The following ZBTB46 variants were observed in gnomAD, a reference collection of about 807,000 sequenced individuals.
ZBTB46 encodes the protein zinc finger and BTB domain-containing protein 46.
Under a neutral mutation model 44.1 loss-of-function variants are expected in ZBTB46, and 8 were observed. That is an observed-to-expected ratio of 0.18 (90% confidence interval 0.11 to 0.33). The LOEUF is 0.33. Ranked by LOEUF, ZBTB46 falls within the 10% of genes least tolerant of loss-of-function variation. ZBTB46 has a pLI of 1.00. For synonymous variants in ZBTB46, 409 were observed against 382.3 expected (o/e 1.07, Z -0.81); for missense variants, 651 against 847.7 (o/e 0.77, Z 2.88).
intron 1 of ZBTB46, among the ~76,000 whole-genome samples, chr20:63,799,847 G>A (rs1416478804): frequency 6.6e-6 from 1 of 152,160 alleles, no homozygotes; most frequent in Non-Finnish European, 1.5e-5. Flanking sequence ...AGCACCTGGA[G>A]CCTGCTCAGC....
At chr20:63,770,482 A>G (rs1202665820) in intron 3 of ZBTB46, among the ~76,000 whole-genome samples, 2 of 152,182 alleles carry the variant, frequency 1.3e-5, no homozygotes, top group Non-Finnish European at 2.9e-5. Context: ...TGAAACTGCC[A>G]TCTGTTTAAT....
intron 3 of ZBTB46, among the ~76,000 whole-genome samples, chr20:63,771,318 C>T (rs1464798127): frequency 1.3e-5 from 2 of 152,146 alleles, no homozygotes; most frequent in African/African-American, 4.8e-5. Flanking sequence ...CCCCACTCTC[C>T]GGCCCCCACA....
At chr20:63,747,346 GGGC>G (rs1275798051) in intron 4 of ZBTB46, 45 bp from the exon 5 acceptor site, 6 of 1,269,974 alleles carry the variant, frequency 4.7e-6, no homozygotes, top group Non-Finnish European at 3.0e-6. Context: ...GTGGGTTGGG[GGGC>G]GGGGCAGGGG....
intron 3 of ZBTB46, among the ~76,000 whole-genome samples, chr20:63,756,857 G>A (rs1456684448): frequency 6.6e-6 from 1 of 152,218 alleles, no homozygotes; most frequent in African/African-American, 2.4e-5. Flanking sequence ...GTGGTGCGTG[G>A]TACTCCATGA....
At chr20:63,783,048 T>C (rs979941604) in intron 2 of ZBTB46, among the ~76,000 whole-genome samples, 3 of 152,002 alleles carry the variant, frequency 2.0e-5, no homozygotes, top group Non-Finnish European at 4.4e-5. Context: ...GAGGATCACC[T>C]GAGCCCAGGA....
rs979267820 is a variant in ZBTB46 at position 63,767,973 on chromosome 20, A to C, written c.1222+7705T>G. The C allele has an allele frequency of 4.1e-6, 4 of 985,332 alleles. No homozygotes were observed. The African/African-American group carries it at 7.0e-5, about 17-fold the overall frequency. 61.0% of individuals were successfully genotyped at this position (985,332 alleles called of 1,614,324 possible). A position where few individuals can be genotyped will look rare whatever the true frequency, so the allele number is the denominator to read the frequency against. On this transcript the variant is annotated intron_variant, in intron 3 of 4. Coordinates refer to ENST00000245663, the MANE Select transcript of ZBTB46 (RefSeq NM_001369741.1). This position sits in a 1 kb window ranked among gnomAD's most constrained non-coding sequence, Gnocchi z 5.0. Reference sequence around the variant, plus strand: ...TCCGCCCAGCTCTCCACGCCATGAGAGGTGTCGATCTGGAACCAGAGACAG... The same window carrying C: ...TCCGCCCAGCTCTCCACGCCATGAGCGGTGTCGATCTGGAACCAGAGACAG...
At position 63,789,924 on chromosome 20, in the gene ZBTB46, G is replaced by A. The variant is rs753357294; in HGVS notation, c.834C>T (p.Thr278=). Residue 278 remains threonine (T), a synonymous_variant, in exon 2 of 5, where the codon ACC becomes ACT. Transcript: ENST00000245663. ...GRRKNRKNKE[T]VRHITQQVED... ...CCACCTGCTGTGTGATGTGCCGGAC[G>A]GTCTCTTTGTTTTTCCGATTCTTCC... is the stretch of plus-strand genomic sequence containing the variant. 14 of 1,614,086 alleles carry A rather than the reference G, an allele frequency of 8.7e-6. No homozygotes were observed. Among genetic ancestry groups the A allele is most frequent in the Middle Eastern group, 1.6e-4 (1 of 6,062 alleles).
intron 3 of ZBTB46, chr20:63,769,358 A>G (rs2092347647): frequency 5.1e-6 from 5 of 985,376 alleles, no homozygotes; most frequent in Non-Finnish European, 6.0e-6. Flanking sequence ...TTCTGCCATC[A>G]GCGACCCTCA....
chr20:63,811,396 A>G (rs1193295181), intron 1 of ZBTB46, among the ~76,000 whole-genome samples: 1 of 152,218 alleles, frequency 6.6e-6, no homozygotes, highest in Non-Finnish European at 1.5e-5. Context: ...AGAAGACACT[A>G]CAGCCCCAGG....
intron 3 of ZBTB46, among the ~76,000 whole-genome samples, chr20:63,774,298 C>T (rs1355532199): frequency 6.6e-6 from 1 of 152,148 alleles, no homozygotes; most frequent in Non-Finnish European, 1.5e-5. Context: ...CTCACACCAA[C>T]GCGAAAATTC....
At chr20:63,773,526 G>T (rs2092394104) in intron 3 of ZBTB46, among the ~76,000 whole-genome samples, 1 of 152,130 alleles carries the variant, frequency 6.6e-6, no homozygotes, top group Non-Finnish European at 1.5e-5. Flanking sequence ...TGCCCTGAAT[G>T]AGTGTATACG....
chr20:63,804,440 C>A (rs1048480400), intron 1 of ZBTB46, among the ~76,000 whole-genome samples: 1 of 152,184 alleles, frequency 6.6e-6, no homozygotes, highest in Non-Finnish European at 1.5e-5. Context: ...CCAATGGACA[C>A]AGCCTCCCCC....
intron 2 of ZBTB46, among the ~76,000 whole-genome samples, chr20:63,785,713 C>T (rs1474370924): frequency 6.6e-6 from 1 of 152,210 alleles, no homozygotes; most frequent in Non-Finnish European, 1.5e-5. Context: ...CAAATCCCAG[C>T]CTGAGGGCTC....
chr20:63,775,381 C>T (rs2092416034), intron 3 of ZBTB46: 1 of 332,708 alleles, frequency 3.0e-6, no homozygotes, highest in Admixed American at 4.6e-5. Context: ...CCCGGACGAG[C>T]TCGCATTCAG....
intron 1 of ZBTB46, among the ~76,000 whole-genome samples, chr20:63,827,389 T>C (rs73624746): frequency 6.6e-6 from 1 of 151,148 alleles, no homozygotes; most frequent in African/African-American, 2.4e-5. Flanking sequence ...GGGTGGATCA[T>C]GAGGTCAGGA....
chr20:63,783,586 C>T (rs895739810), intron 2 of ZBTB46, among the ~76,000 whole-genome samples: 1 of 152,174 alleles, frequency 6.6e-6, no homozygotes, highest in Non-Finnish European at 1.5e-5. Flanking sequence ...GTGATCAAAG[C>T]TGATTGCAGG....
At chr20:63,769,237 C>T (rs1423255548) in intron 3 of ZBTB46, 3 of 985,270 alleles carry the variant, frequency 3.0e-6, no homozygotes, top group Non-Finnish European at 3.6e-6. Flanking sequence ...AGCTGGCCAC[C>T]CTGGTGTCTT....
chr20:63,769,905 G>A lies in ZBTB46; in HGVS notation c.1222+5773C>T, dbSNP rs534573437. Among the ~76,000 whole-genome samples, 283 of 152,262 alleles carry A rather than the reference G, an allele frequency of 1.9e-3. 2 individuals carry two copies. Among genetic ancestry groups the A allele is most frequent in the African/African-American group, 6.5e-3 (270 of 41,550 alleles). On this transcript the variant is annotated intron_variant, in intron 3 of 4. Coordinates refer to ENST00000245663, the MANE Select transcript of ZBTB46 (RefSeq NM_001369741.1). ...TGTTCTCTGCAAAACGCCTCCTGACGCCCGGGCCCAGCCGCTCCGCCATCT... is the reference window on the plus strand; with the variant it reads ...TGTTCTCTGCAAAACGCCTCCTGACACCCGGGCCCAGCCGCTCCGCCATCT...
chr20:63,786,903 C>G (rs1216338158), intron 2 of ZBTB46, among the ~76,000 whole-genome samples: 1 of 152,164 alleles, frequency 6.6e-6, no homozygotes, highest in African/African-American at 2.4e-5. Flanking sequence ...CCTCGGCCTC[C>G]CAAATTGCCT....
Sources: gnomAD v4.1 joint callset for allele counts (sites outside exome capture counted in the v4.1 genomes callset) on GRCh38, gnomAD v4.1.1 for gene constraint, Gnocchi (gnomAD v3.1) non-coding constraint, MANE v1.5 for transcripts, NCBI Gene and HGNC (gene_info 2026-07-23, HGNC 2026-07-21) for gene names.